SGCD: variants seen among roughly 807,000 people sequenced by gnomAD.
SGCD encodes the protein delta-sarcoglycan.
Under a neutral mutation model 36.6 loss-of-function variants are expected in SGCD, and 18 were observed. The observed-to-expected ratio is 0.49, with a 90% CI of 0.34 to 0.73. The LOEUF is 0.73. Ranked by LOEUF, SGCD falls within the 30% of genes least tolerant of loss-of-function variation. The pLI, the probability that SGCD is intolerant of heterozygous loss-of-function variation, is 0.01. For missense variants in SGCD, 387 were observed against 346.7 expected (o/e 1.12, Z -0.92); for synonymous variants, 133 against 130.6 (o/e 1.02, Z -0.12).
At chr5:155,970,708 G>A (rs1274062171) in intron 1 of SGCD, among the ~76,000 whole-genome samples, 1 of 152,144 alleles carries the variant, frequency 6.6e-6, no homozygotes, top group African/African-American at 2.4e-5. Context: ...TACATATTAT[G>A]TATAACGTGT....
intron 3 of SGCD, among the ~76,000 whole-genome samples, chr5:156,251,405 T>A (rs1765573892): frequency 6.6e-6 from 1 of 152,218 alleles, no homozygotes; most frequent in Non-Finnish European, 1.5e-5. Context: ...TTGGATTGGA[T>A]CTTTCCAGAC....
At chr5:156,223,964 T>C (rs1361990314) in intron 3 of SGCD, among the ~76,000 whole-genome samples, 2 of 152,006 alleles carry the variant, frequency 1.3e-5, no homozygotes, top group South Asian at 2.1e-4. Context: ...AATCCAATTA[T>C]GATCTATATC....
At chr5:155,742,544 C>T in the SGCD span, among the ~76,000 whole-genome samples, 40 of 152,270 alleles carry the variant, frequency 2.6e-4, no homozygotes, top group African/African-American at 9.6e-4. Context: ...AAGTGAGTAT[C>T]AATGTTTGAG....
chr5:156,754,023 A>C (rs1757249414), intron 7 of SGCD, among the ~76,000 whole-genome samples: 1 of 152,228 alleles, frequency 6.6e-6, no homozygotes, highest in South Asian at 2.1e-4. Context: ...TGCTTCCAGG[A>C]AATCATCATC....
intron 1 of SGCD, among the ~76,000 whole-genome samples, chr5:155,879,935 A>G (rs1755846708): frequency 6.6e-6 from 1 of 152,176 alleles, no homozygotes; most frequent in Admixed American, 6.5e-5. Context: ...AAGAAAGACA[A>G]AAAGATTTTA....
chr5:156,405,897 G>A (rs1035111635), intron 3 of SGCD, among the ~76,000 whole-genome samples: 61 of 151,764 alleles, frequency 4.0e-4, no homozygotes, highest in African/African-American at 1.5e-3. Context: ...CTTTTGAGTT[G>A]ATGGATTTTA....
intron 3 of SGCD, among the ~76,000 whole-genome samples, chr5:156,434,658 A>G (rs974715467): frequency 6.6e-6 from 1 of 152,208 alleles, no homozygotes; most frequent in Non-Finnish European, 1.5e-5. Context: ...TGGGAATGTG[A>G]TGATGGCCAC....
chr5:156,483,764 A>G (rs1272161690), intron 3 of SGCD, among the ~76,000 whole-genome samples: 1 of 152,226 alleles, frequency 6.6e-6, no homozygotes, highest in Non-Finnish European at 1.5e-5. Flanking sequence ...ATTAAAAATG[A>G]GATTCACTTC....
At chr5:156,341,266 G>T (rs1410069739) in intron 2 of SGCD, among the ~76,000 whole-genome samples, 1 of 152,198 alleles carries the variant, frequency 6.6e-6, no homozygotes, top group African/African-American at 2.4e-5. Flanking sequence ...CTGCAGAGAT[G>T]CCTCAAAGGT....
At chr5:156,394,501 A>G (rs558342161) in intron 3 of SGCD, among the ~76,000 whole-genome samples, 8 of 152,348 alleles carry the variant, frequency 5.3e-5, no homozygotes, top group Non-Finnish European at 1.2e-4. Context: ...CTTATCCACA[A>G]AAAGGACAAT....
intron 7 of SGCD, among the ~76,000 whole-genome samples, chr5:156,671,271 T>A (rs1753279599): frequency 9.1e-6 from 1 of 109,560 alleles, no homozygotes. Context: ...ATCTATTGAT[T>A]CTTTTTTTTT....
chr5:156,731,766 G>A (rs1210474980), intron 7 of SGCD, among the ~76,000 whole-genome samples: 1 of 152,162 alleles, frequency 6.6e-6, no homozygotes, highest in East Asian at 1.9e-4. Flanking sequence ...GCTTTGGGCA[G>A]TATGGCTATT....
intron 3 of SGCD, among the ~76,000 whole-genome samples, chr5:156,304,987 G>A (rs1371503713): frequency 2.0e-5 from 3 of 152,182 alleles, no homozygotes; most frequent in Non-Finnish European, 4.4e-5. Flanking sequence ...AAGCATTCAA[G>A]AAGTGACTTG....
intron 3 of SGCD, among the ~76,000 whole-genome samples, chr5:156,158,379 C>G (rs144798781): frequency 6.6e-6 from 1 of 151,504 alleles, no homozygotes; most frequent in African/African-American, 2.4e-5. Context: ...TCCATTTTAC[C>G]GGTTAAGAAA....
At chr5:155,825,700 A>G in the SGCD span, among the ~76,000 whole-genome samples, 4 of 149,252 alleles carry the variant, frequency 2.7e-5, no homozygotes, top group Admixed American at 2.7e-4. Flanking sequence ...AGCAATTGAT[A>G]TATCTTAGAT....
At chr5:155,897,604 G>A (rs1756295195) in intron 1 of SGCD, among the ~76,000 whole-genome samples, 1 of 151,666 alleles carries the variant, frequency 6.6e-6, no homozygotes. Flanking sequence ...TTATAAAGTT[G>A]TATATGAATA....
intron 1 of SGCD, among the ~76,000 whole-genome samples, chr5:155,978,663 C>G (rs376591606): frequency 6.6e-6 from 1 of 152,170 alleles, no homozygotes; most frequent in Admixed American, 6.5e-5. Context: ...TCAACTGTGG[C>G]CTTTCATGCT....
intron 1 of SGCD, among the ~76,000 whole-genome samples, chr5:155,925,518 A>C (rs1756978009): frequency 6.6e-6 from 1 of 152,098 alleles, no homozygotes; most frequent in Non-Finnish European, 1.5e-5. Context: ...GCGTCACTCC[A>C]ATCAGACTCT....
At chr5:155,851,816 G>T in the SGCD span, among the ~76,000 whole-genome samples, 1 of 152,028 alleles carries the variant, frequency 6.6e-6, no homozygotes, top group Non-Finnish European at 1.5e-5. Context: ...TGTGGGAAAC[G>T]GTGTAGTATA....
Sources: allele counts gnomAD v4.1 joint callset (sites outside exome capture counted in the v4.1 genomes callset), GRCh38; gene constraint gnomAD v4.1.1; transcripts MANE v1.5; gene names NCBI Gene and HGNC (gene_info 2026-07-23, HGNC 2026-07-21).